The following ABCB9 variants were observed in gnomAD, a reference collection of about 807,000 sequenced individuals.
The protein encoded by ABCB9 is ABC-type oligopeptide transporter ABCB9.
A neutral mutation model predicts 62.0 loss-of-function variants in ABCB9; 36 were observed. The ratio of observed to expected loss-of-function variants is 0.58; its 90% confidence interval spans 0.45 to 0.77. ABCB9 has a LOEUF of 0.77. Among genes scored for constraint, ABCB9 ranks in the 30% least tolerant of loss-of-function variants. The probability of loss-of-function intolerance (pLI) is 0.00; values close to 1 mark genes in which losing one functional copy is unlikely to be tolerated. For missense variants in ABCB9, 943 were observed against 1,054.7 expected (o/e 0.89, Z 1.47); for synonymous variants, 435 against 461.4 (o/e 0.94, Z 0.73).
At chr12:122,933,495 C>T (rs1264398514) in intron 10 of ABCB9, among the ~76,000 whole-genome samples, 1 of 151,446 alleles carries the variant, frequency 6.6e-6, no homozygotes, top group South Asian at 2.1e-4. Context: ...AAGAGGTTGC[C>T]GTGAGCCGAG....
At position 122,929,986 on chromosome 12, in the gene ABCB9, C is replaced by A; in HGVS notation, c.2226G>T (p.Met742Ile). 6.3e-7 allele frequency: 1 copy of A among 1,577,116 alleles called. No homozygotes were observed. The highest frequency in any genetic ancestry group is 8.6e-7 in the Non-Finnish European group (1 of 1,164,444). The change falls in exon 12 of 12, where the codon ATG becomes ATT. Residue 742 changes from methionine (M) to isoleucine (I), a missense_variant. By Grantham distance (10) the Met-to-Ile change is conservative (BLOSUM62 1). Coordinates refer to ENST00000280560, the MANE Select transcript of ABCB9 (RefSeq NM_019625.4). The surrounding 1 kb of genome is among the most constrained non-coding windows in gnomAD (Gnocchi z 6.0). ...AGTCTGCGGCGGGCTGAAGCCCCAGCATCTGCCGCTGCACCAGCTTGGCGT... is the reference window on the plus strand; with the variant it reads ...AGTCTGCGGCGGGCTGAAGCCCCAGAATCTGCCGCTGCACCAGCTTGGCGT... ...GLYAKLVQRQMLGLQPAADFT... is the reference protein window; with the variant it reads ...GLYAKLVQRQILGLQPAADFT...
At chr12:122,924,895 C>T, downstream of ABCB9, 1 of 1,381,418 alleles carries the variant, frequency 7.2e-7, no homozygotes, top group Non-Finnish European at 9.9e-7. Flanking sequence ...TAACTCTCCA[C>T]ACCCACCAGG....
Position 122,940,034 on chromosome 12 carries a change from G to C in ABCB9, c.1743+77C>G. ...CCATTTATCTCTAGTGCCCTCTTCC[G>C]CACCTGTTACAGCTCACAAGAAAGA... On this transcript the variant is annotated intron_variant, in intron 9 of 11. Coordinates refer to ENST00000280560, the MANE Select transcript of ABCB9 (RefSeq NM_019625.4). This position sits in a 1 kb window ranked among gnomAD's most constrained non-coding sequence, Gnocchi z 4.8. 1.3e-6 allele frequency: 2 copies of C among 1,513,576 alleles called. No individual in the cohort carries two copies. 93.8% of individuals were successfully genotyped at this position (1,513,576 alleles called of 1,614,324 possible).
chr12:122,960,039 A>G lies in ABCB9; in HGVS notation c.197T>C (p.Ile66Thr), dbSNP rs1485703263. 6.2e-6 allele frequency: 10 copies of G among 1,613,492 alleles called. No homozygotes were observed. In the Middle Eastern group the frequency reaches 4.9e-4, roughly 80 times the overall value. Residue 66 changes from isoleucine (I) to threonine (T), a missense_variant, in exon 2 of 12, where the codon ATT becomes ACT. Coordinates refer to ENST00000280560, the MANE Select transcript of ABCB9 (RefSeq NM_019625.4). Reference sequence around the variant, plus strand: ...CAGCGCACTGTTCTTGGCCACACCAATGGTGGCTCCCAGCAGCAGGCAGCT... The same window carrying G: ...CAGCGCACTGTTCTTGGCCACACCAGTGGTGGCTCCCAGCAGCAGGCAGCT... Reference protein sequence around the residue: ...YRSCLLLGATIGVAKNSALGP... With the variant: ...YRSCLLLGATTGVAKNSALGP...
At position 122,960,236 on chromosome 12, in the gene ABCB9, C is replaced by A. The variant is rs533868077; in HGVS notation, c.-1G>T. ...CCACCACCGCCTTCCACAGCCGCAT[C>A]CTGCTGGTTGGAGGTGGGCGGGTGC... is the stretch of plus-strand genomic sequence containing the variant. On this transcript the variant is annotated 5_prime_UTR_variant, in exon 2 of 12. Transcript: ENST00000280560. The A allele has an allele frequency of 5.0e-6, 8 of 1,609,850 alleles. No individual in the cohort carries two copies. In the East Asian group the frequency reaches 1.6e-4, roughly 31 times the overall value.
downstream of ABCB9, chr12:122,924,668 C>G: frequency 6.6e-7 from 1 of 1,507,134 alleles, no homozygotes; most frequent in Non-Finnish European, 8.9e-7. Flanking sequence ...AGTCCTGGCG[C>G]CAGGACTAAG....
downstream of ABCB9, among the ~76,000 whole-genome samples, chr12:122,927,405 C>T (rs1180383011): frequency 6.6e-6 from 1 of 152,104 alleles, no homozygotes; most frequent in Admixed American, 6.6e-5. Context: ...CTCCTGACCT[C>T]GTGATCCACC....
Position 122,959,939 on chromosome 12 carries a change from C to T in ABCB9, c.297G>A (p.Val99=), listed in dbSNP as rs1454223618. 6.2e-7 allele frequency: 1 copy of T among 1,613,256 alleles called. No homozygotes were observed. Among genetic ancestry groups the T allele is most frequent in the Non-Finnish European group, 8.5e-7 (1 of 1,179,974 alleles). ...GCACCTCTGAGAAGAGCAGCAGCTT[C>T]ACCATGGCATAGATGCCCACGAAGA... is the stretch of plus-strand genomic sequence containing the variant. ...VCLFVGIYAM[V]KLLLFSEVRR... The change falls in exon 2 of 12, where the codon GTG becomes GTA. Residue 99 remains valine (V), a synonymous_variant. Transcript: ENST00000280560. This position sits in a 1 kb window ranked among gnomAD's most constrained non-coding sequence, Gnocchi z 5.4.
Position 122,929,510 on chromosome 12 carries a change from T to C in ABCB9, c.*401A>G. 1.0e-6 allele frequency: 1 copy of C among 1,003,310 alleles called. No homozygotes were observed. The highest frequency in any genetic ancestry group is 1.2e-6 in the Non-Finnish European group (1 of 842,068). 62.2% of individuals were successfully genotyped at this position (1,003,310 alleles called of 1,614,324 possible). On this transcript the variant is annotated 3_prime_UTR_variant, in exon 12 of 12. Coordinates refer to ENST00000280560, the MANE Select transcript of ABCB9 (RefSeq NM_019625.4). This position sits in a 1 kb window ranked among gnomAD's most constrained non-coding sequence, Gnocchi z 6.0. ...CCCCCAGGCTACTAAGGAAGGGCCA[T>C]TCACTCCTGGCTCAGAAGTTTCTAG...
At chr12:122,950,386 C>T (rs2036296056) in intron 3 of ABCB9, 65 bp downstream of exon 3, 1 of 1,454,550 alleles carries the variant, frequency 6.9e-7, no homozygotes, top group African/African-American at 1.4e-5. Context: ...AGGAACAGGC[C>T]CTCCCTTCCC....
upstream of ABCB9, among the ~76,000 whole-genome samples, chr12:122,970,783 G>T (rs1402283626): frequency 6.6e-6 from 1 of 152,202 alleles, no homozygotes; most frequent in Non-Finnish European, 1.5e-5. Context: ...CGTTCAGCAG[G>T]TGAATGGATG....
intron 2 of ABCB9, among the ~76,000 whole-genome samples, chr12:122,956,196 G>A (rs553046117): frequency 1.7e-3 from 257 of 152,340 alleles, no homozygotes; most frequent in African/African-American, 5.9e-3. Flanking sequence ...GTATTACTGG[G>A]AGGTGTCTAT....
At chr12:122,968,761 T>G (rs767098343), upstream of ABCB9, among the ~76,000 whole-genome samples, 112 of 151,388 alleles carry the variant, frequency 7.4e-4, no homozygotes, top group Non-Finnish European at 1.3e-3. Flanking sequence ...ATTGCAAGCA[T>G]GTACCAACAC....
At chr12:122,967,043 G>T (rs1452837614), upstream of ABCB9, among the ~76,000 whole-genome samples, 1 of 152,184 alleles carries the variant, frequency 6.6e-6, no homozygotes, top group Admixed American at 6.5e-5. Flanking sequence ...AAGCAAATGA[G>T]ATATATTGGA....
At position 122,948,833 on chromosome 12, in the gene ABCB9, G is replaced by C. The variant is rs2036195711; in HGVS notation, c.848-4C>G. 6.5e-7 allele frequency: 1 copy of C among 1,546,752 alleles called. No homozygotes were observed. The highest frequency in any genetic ancestry group is 8.7e-7 in the Non-Finnish European group (1 of 1,147,196). ...GTCAGGCGGGAGATGAGGTCCCCTG[G>C]AACACACGCGGCTCAGCTCTCACCA... On this transcript the variant is annotated splice_polypyrimidine_tract_variant and splice_region_variant and intron_variant, in intron 4 of 11. Coordinates refer to ENST00000280560, the MANE Select transcript of ABCB9 (RefSeq NM_019625.4).
intron 5 of ABCB9, chr12:122,948,411 C>A (rs2036160338): frequency 2.1e-6 from 1 of 483,272 alleles, no homozygotes; most frequent in Non-Finnish European, 3.6e-6. Context: ...AAGGCAGGGG[C>A]CTTGTCTTTT....
chr12:122,955,495 T>C (rs929796943), intron 2 of ABCB9, among the ~76,000 whole-genome samples: 14 of 152,128 alleles, frequency 9.2e-5, no homozygotes, highest in Non-Finnish European at 1.5e-4. Flanking sequence ...GGATCCAGGG[T>C]GAGTCAGACC....
intron 1 of ABCB9, among the ~76,000 whole-genome samples, chr12:122,960,556 C>A (rs1340750019): frequency 6.6e-6 from 1 of 152,020 alleles, no homozygotes; most frequent in Non-Finnish European, 1.5e-5. Context: ...AACAAAGATC[C>A]CTGCTCTCCT....
At chr12:122,950,332 C>A in intron 3 of ABCB9, 119 bp downstream of exon 3, 1 of 970,726 alleles carries the variant, frequency 1.0e-6, no homozygotes, top group Non-Finnish European at 1.5e-6. Context: ...AGGGACAGGC[C>A]CACCAGGGGC....
Sources: gnomAD v4.1 joint callset for allele counts (sites outside exome capture counted in the v4.1 genomes callset) on GRCh38, gnomAD v4.1.1 for gene constraint, Gnocchi (gnomAD v3.1) non-coding constraint, MANE v1.5 for transcripts, NCBI Gene and HGNC (gene_info 2026-07-23, HGNC 2026-07-21) for gene names.